Variants in CHCHD7 observed in about 807,000 individuals in gnomAD.
CHCHD7 encodes the protein coiled-coil-helix-coiled-coil-helix domain-containing protein 7.
In CHCHD7, 7 loss-of-function variants were observed where a neutral mutation model predicts 10.5. The observed-to-expected ratio is 0.67, with a 90% confidence interval of 0.38 to 1.25. The LOEUF (loss-of-function observed/expected upper bound fraction) is 1.25, where lower values mean the gene tolerates loss of function less well. Ranked by LOEUF, CHCHD7 falls within the 50% of genes most tolerant of loss-of-function variation. The pLI is 0.02. For synonymous variants in CHCHD7, 40 were observed against 36.0 expected, an observed-to-expected ratio of 1.11 and a Z score of -0.40; for missense variants, 100 against 104.5, an observed-to-expected ratio of 0.96 and a Z score of 0.19.
chr8:56,213,621 AC>A (rs1303541379), intron 1 of CHCHD7: 1 of 152,056 alleles, frequency 6.6e-6, no homozygotes, highest in Non-Finnish European at 1.5e-5. Context: ...TGAACTCCTG[AC>A]CTCGTGATCC....
At chr8:56,216,634 T>A in intron 3 of CHCHD7, 103 bp downstream of exon 3, 1 of 1,201,398 alleles carries the variant, frequency 8.3e-7, no homozygotes, top group Non-Finnish European at 1.2e-6. Flanking sequence ...CTGATGGCTG[T>A]AGGGAAACTT....
intron 1 of CHCHD7, chr8:56,212,870 A>G (rs1229784934): frequency 6.2e-7 from 1 of 1,607,748 alleles, no homozygotes; most frequent in Non-Finnish European, 8.5e-7. Flanking sequence ...GAAGAAACTC[A>G]TGCACCAAAC....
At chr8:56,212,532 C>T (rs1585848480) in intron 1 of CHCHD7, 2 of 259,182 alleles carry the variant, frequency 7.7e-6, no homozygotes, top group East Asian at 6.7e-5. Context: ...GCAGTTTGCC[C>T]TTTGGAGTGG....
Position 56,217,340 on chromosome 8 carries a change from G to A in CHCHD7, c.163G>A (p.Val55Met), listed in dbSNP as rs370320000. The change falls in exon 4 of 4, where the codon GTG becomes ATG. Residue 55 changes from valine to methionine, a missense_variant. Physicochemically the swap from Val to Met is conservative, Grantham distance 21. Transcript: ENST00000355315. ...TAATGCCTGTACACAGAATTCTATC[G>A]TGATGCAGAGAAGAAAGAACGGAGT... ...KNCRRFWNSI[V>M]MQRRKNGVKP... The A allele has an allele frequency of 3.1e-5, 49 of 1,603,776 alleles. 1 individual carries two copies. The highest frequency in any genetic ancestry group is 3.8e-5 in the Non-Finnish European group (44 of 1,171,010).
chr8:56,212,878 A>T (rs765714510), intron 1 of CHCHD7: 1 of 1,609,180 alleles, frequency 6.2e-7, no homozygotes, highest in Non-Finnish European at 8.5e-7. Flanking sequence ...TCATGCACCA[A>T]ACTCGAACTG....
intron 1 of CHCHD7, chr8:56,212,770 C>A (rs1043161290): frequency 1.1e-5 from 9 of 850,714 alleles, no homozygotes; most frequent in Admixed American, 1.8e-5. Context: ...AGTTAATACA[C>A]GAGGAACTCA....
At chr8:56,213,855 C>G (rs1813180601) in intron 1 of CHCHD7, 1 of 152,162 alleles carries the variant, frequency 6.6e-6, no homozygotes, top group Non-Finnish European at 1.5e-5. Flanking sequence ...GTTGGCTACC[C>G]TACTATTGGC....
rs1813492958 is a variant in CHCHD7 at position 56,218,564 on chromosome 8, T to A, written c.*1129T>A. The A allele has an allele frequency of 3.3e-5, 7 of 210,108 alleles. No homozygotes were observed. Among genetic ancestry groups the A allele is most frequent in the Non-Finnish European group, 9.6e-6 (1 of 103,630 alleles). 13.0% of individuals were successfully genotyped at this position (210,108 alleles called of 1,614,324 possible). ...ACCAAGCTCAGGTTTCTAAGCCACA[T>A]GACCTTGATTGTTAAATGTAGTTAT... is the stretch of plus-strand genomic sequence containing the variant. On this transcript the variant is annotated 3_prime_UTR_variant, in exon 4 of 4. Transcript: ENST00000355315.
Position 56,218,353 on chromosome 8 carries a change from C to T in CHCHD7, c.*918C>T, listed in dbSNP as rs929490797. The T allele has an allele frequency of 3.1e-5, 7 of 228,064 alleles. No individual in the cohort carries two copies. Among genetic ancestry groups the T allele is most frequent in the African/African-American group, 1.6e-4 (7 of 45,044 alleles). The allele number at this position is 228,064 out of a possible 1,614,324, so 14.1% of individuals were successfully genotyped here. A position where few individuals can be genotyped will look rare whatever the true frequency, so the allele number is the denominator to read the frequency against. On this transcript the variant is annotated 3_prime_UTR_variant, in exon 4 of 4. Transcript: ENST00000355315. ...CTGGGGTAGACTGTGAAGCAGCCCT[C>T]CTTATGCCCACTGCCTTTTAGAATC...
chr8:56,216,238 A>G (rs1464839153), intron 2 of CHCHD7, 195 bp from the exon 3 acceptor site: 4 of 755,392 alleles, frequency 5.3e-6, no homozygotes, highest in Non-Finnish European at 8.1e-6. Context: ...ATAAAAAGGA[A>G]GATGTTAGCC....
chr8:56,212,793 G>C, intron 1 of CHCHD7: 2 of 1,053,006 alleles, frequency 1.9e-6, no homozygotes, highest in East Asian at 4.7e-5. Flanking sequence ...CAAAGGAGGG[G>C]ACTTTCGGAA....
chr8:56,216,639 AAACTT>A (rs1310623702), intron 3 of CHCHD7, 108 bp downstream of exon 3: 2 of 1,178,840 alleles, frequency 1.7e-6, no homozygotes, highest in East Asian at 2.5e-5. Context: ...GGCTGTAGGG[AAACTT>A]AACTTTTCAA....
intron 2 of CHCHD7, 124 bp downstream of exon 2, chr8:56,214,791 C>T (rs1192154237): frequency 1.6e-6 from 1 of 636,202 alleles, no homozygotes; most frequent in Non-Finnish European, 2.8e-6. Context: ...ATATTGTTGG[C>T]CAGCATATCC....
At chr8:56,213,618 C>T (rs1326931227) in intron 1 of CHCHD7, 1 of 152,230 alleles carries the variant, frequency 6.6e-6, no homozygotes, top group African/African-American at 2.4e-5. Context: ...TCTTGAACTC[C>T]TGACCTCGTG....
At position 56,214,664 on chromosome 8, in the gene CHCHD7, G is replaced by T; in HGVS notation, c.51G>T (p.Leu17Phe). 1 of 1,613,346 alleles carries T rather than the reference G, an allele frequency of 6.2e-7. No homozygotes were observed. The highest frequency in any genetic ancestry group is 8.5e-7 in the Non-Finnish European group (1 of 1,179,384). The change falls in exon 2 of 4, where the codon TTG becomes TTT. Residue 17 changes from leucine to phenylalanine, a missense_variant. Leu to Phe is a conservative substitution (Grantham distance 22). Transcript: ENST00000355315. ...RLRDPDINPC[L>F]SESDASTRCL... ...GAGATCCTGACATAAATCCTTGTTT[G>T]TCGGTAGGATGGTTTGCTTTAATTT...
chr8:56,212,694 C>T lies in CHCHD7; in HGVS notation c.-17+857C>T, dbSNP rs111729387. On this transcript the variant is annotated intron_variant, in intron 1 of 3. Transcript: ENST00000355315. ...AAAGTAATAGACAAGGCCCCTTTAG[C>T]GGAGCACTCGATGTTGTAATTCAGC... The T allele has an allele frequency of 1.0e-3, 633 of 605,766 alleles. 3 individuals are homozygous for T. The highest frequency in any genetic ancestry group is 9.3e-3 in the African/African-American group (503 of 53,978). The allele number at this position is 605,766 out of a possible 1,614,324, so 37.5% of individuals were successfully genotyped here.
Position 56,217,428 on chromosome 8 carries a change from C to T in CHCHD7, c.251C>T (p.Pro84Leu), listed in dbSNP as rs773604252. The T allele has an allele frequency of 1.9e-6, 3 of 1,563,750 alleles. No homozygotes were observed. Among genetic ancestry groups the T allele is most frequent in the African/African-American group, 1.4e-5 (1 of 73,950 alleles). ...DEILRAVGNMPY is the reference protein window; with the variant it reads ...DEILRAVGNMLY The stretch of plus-strand genomic sequence containing the variant: ...ATCTTGAGAGCAGTGGGAAATATGC[C>T]CTATTGAATGTTTGCATTAAAAGTG... Residue 84 changes from proline to leucine, a missense_variant, in exon 4 of 4, where the codon CCC becomes CTC. Pro to Leu is a moderately conservative substitution (Grantham distance 98, BLOSUM62 -3). Transcript: ENST00000355315.
In CHCHD7 at chr8:56,218,515, A is replaced by G. The variant is rs560777425; in HGVS notation, c.*1080A>G. On this transcript the variant is annotated 3_prime_UTR_variant, in exon 4 of 4. Coordinates refer to ENST00000355315, the MANE Select transcript of CHCHD7 (RefSeq NM_001011671.3). Reference sequence around the variant, plus strand: ...AACATTGTTTTAATGGCTGCCGACAATGAACTGTCTGTCTGAGTCTAAAAC... The same window carrying G: ...AACATTGTTTTAATGGCTGCCGACAGTGAACTGTCTGTCTGAGTCTAAAAC... The G allele has an allele frequency of 1.9e-5, 4 of 214,062 alleles. No individual in the cohort carries two copies. Among genetic ancestry groups the G allele is most frequent in the African/African-American group, 6.8e-5 (3 of 44,320 alleles). The allele number at this position is 214,062 out of a possible 1,614,324, so 13.3% of individuals were successfully genotyped here. A position where few individuals can be genotyped will look rare whatever the true frequency, so the allele number is the denominator to read the frequency against.
chr8:56,212,583 C>T (rs1813067691), intron 1 of CHCHD7: 3 of 368,840 alleles, frequency 8.1e-6, no homozygotes, highest in East Asian at 4.2e-5. Context: ...GTTTTGTGGC[C>T]CCTCCTTCAT....
Sources: allele counts gnomAD v4.1 joint callset, GRCh38; gene constraint gnomAD v4.1.1; transcripts MANE v1.5; gene names NCBI Gene and HGNC (gene_info 2026-07-23, HGNC 2026-07-21).